GNG12: variants seen among roughly 807,000 people sequenced by gnomAD.
GNG12 encodes the protein G protein subunit gamma 12, also known as guanine nucleotide-binding protein G(I)/G(S)/G(O) subunit gamma-12.
For missense variants in GNG12, 69 were observed against 83.8 expected (o/e 0.82, Z 0.69); for synonymous variants, 28 against 29.7 (o/e 0.94, Z 0.19).
intron 1 of GNG12, among the ~76,000 whole-genome samples, chr1:67,784,357 C>A (rs1267273611): frequency 1.3e-5 from 2 of 148,446 alleles, no homozygotes; most frequent in Non-Finnish European, 3.0e-5. Flanking sequence ...GGGAGATATA[C>A]CTAATGCTAG....
chr1:67,824,509 C>CAAA (rs35736017), intron 1 of GNG12, among the ~76,000 whole-genome samples: 29,534 of 93,522 alleles, frequency 0.32, 4,555 homozygotes, highest in Middle Eastern at 0.43. Context: ...GATCCTGTCT[C>CAAA]AAAAAAAAAA....
At chr1:67,792,405 T>G (rs1021874385) in intron 1 of GNG12, among the ~76,000 whole-genome samples, 2 of 152,164 alleles carry the variant, frequency 1.3e-5, no homozygotes, top group African/African-American at 4.8e-5. Context: ...ATTTCCTCTT[T>G]CCCCAAGTGA....
intron 2 of GNG12, among the ~76,000 whole-genome samples, chr1:67,708,843 C>T (rs1251936569): frequency 6.6e-6 from 1 of 152,126 alleles, no homozygotes; most frequent in African/African-American, 2.4e-5. Context: ...GGCTCCGTGG[C>T]GCCAGCAGCA....
chr1:67,803,522 G>C (rs1348023382), intron 1 of GNG12, among the ~76,000 whole-genome samples: 1 of 152,204 alleles, frequency 6.6e-6, no homozygotes, highest in Non-Finnish European at 1.5e-5. Context: ...CGAGGAAACA[G>C]TGGTGACAAT....
At chr1:67,778,772 C>A (rs1225690435) in intron 1 of GNG12, among the ~76,000 whole-genome samples, 1 of 152,104 alleles carries the variant, frequency 6.6e-6, no homozygotes, top group East Asian at 1.9e-4. Context: ...TACCCACCAC[C>A]CTCTCAATTA....
intron 2 of GNG12, among the ~76,000 whole-genome samples, chr1:67,712,754 C>T (rs1035996319): frequency 2.4e-4 from 37 of 151,492 alleles, no homozygotes; most frequent in African/African-American, 6.1e-4. Context: ...CTTCCCACTG[C>T]GCCAAGGAAA....
chr1:67,753,353 G>A (rs1244034777), intron 2 of GNG12, among the ~76,000 whole-genome samples: 5 of 146,202 alleles, frequency 3.4e-5, no homozygotes, highest in Non-Finnish European at 1.5e-5. Flanking sequence ...TCCAAAACCT[G>A]AAAAAAAAAA....
intron 2 of GNG12, among the ~76,000 whole-genome samples, chr1:67,753,289 A>C (rs1030696202): frequency 3.3e-5 from 5 of 152,220 alleles, no homozygotes; most frequent in Admixed American, 3.3e-4. Context: ...TGAAATGCTT[A>C]CTGACGCATT....
intron 2 of GNG12, among the ~76,000 whole-genome samples, chr1:67,764,914 TG>T (rs1332037986): frequency 6.6e-6 from 1 of 152,190 alleles, no homozygotes. Context: ...GAACTAGACC[TG>T]GGAAAAATAT....
At chr1:67,711,818 C>T (rs771755734) in intron 2 of GNG12, among the ~76,000 whole-genome samples, 2 of 152,166 alleles carry the variant, frequency 1.3e-5, no homozygotes, top group Non-Finnish European at 2.9e-5. Context: ...GGTGGCATTT[C>T]CTGAACTCCT....
intron 1 of GNG12, among the ~76,000 whole-genome samples, chr1:67,787,008 TG>T (rs1646773373): frequency 7.0e-6 from 1 of 143,520 alleles, no homozygotes; most frequent in Non-Finnish European, 1.5e-5. Context: ...TGTGTATATC[TG>T]TGTGTGTGTA....
At chr1:67,784,669 T>G (rs12036392) in intron 1 of GNG12, among the ~76,000 whole-genome samples, 2 of 152,032 alleles carry the variant, frequency 1.3e-5, no homozygotes, top group Admixed American at 1.3e-4. Flanking sequence ...TCTTGTAAGT[T>G]TGAATAAGTT....
At chr1:67,760,998 G>T (rs1448661752) in intron 2 of GNG12, among the ~76,000 whole-genome samples, 3 of 152,218 alleles carry the variant, frequency 2.0e-5, no homozygotes, top group African/African-American at 7.2e-5. Context: ...CATTTAAGTT[G>T]TGGGTAACAA....
At chr1:67,775,631 C>T (rs1646700579) in intron 2 of GNG12, among the ~76,000 whole-genome samples, 1 of 152,194 alleles carries the variant, frequency 6.6e-6, no homozygotes, top group Admixed American at 6.5e-5. Flanking sequence ...CTAAGTACTA[C>T]AAGGCAGGCA....
chr1:67,768,789 T>A (rs1646655846), intron 2 of GNG12, among the ~76,000 whole-genome samples: 1 of 152,222 alleles, frequency 6.6e-6, no homozygotes, highest in Non-Finnish European at 1.5e-5. Context: ...TTCCCTACTA[T>A]AAAATGTATA....
At chr1:67,745,444 C>A (rs1010437180) in intron 2 of GNG12, among the ~76,000 whole-genome samples, 2 of 152,206 alleles carry the variant, frequency 1.3e-5, no homozygotes, top group African/African-American at 2.4e-5. Flanking sequence ...CCCCGGTGAC[C>A]AGGCAGCATG....
chr1:67,810,470 G>A (rs1646918582), intron 1 of GNG12, among the ~76,000 whole-genome samples: 1 of 152,190 alleles, frequency 6.6e-6, no homozygotes, highest in Non-Finnish European at 1.5e-5. Context: ...ACTCTGGTGT[G>A]GGATGTGGAT....
intron 2 of GNG12, among the ~76,000 whole-genome samples, chr1:67,767,004 T>C (rs1424629804): frequency 2.6e-5 from 4 of 152,224 alleles, no homozygotes; most frequent in Non-Finnish European, 5.9e-5. Flanking sequence ...AGAGTGTGTG[T>C]GTCCCTGACC....
At chr1:67,712,953 T>C (rs956903555) in intron 2 of GNG12, among the ~76,000 whole-genome samples, 3 of 152,074 alleles carry the variant, frequency 2.0e-5, no homozygotes, top group Non-Finnish European at 2.9e-5. Context: ...GGTCTCGAAC[T>C]CCTGACCTCT....
Sources: allele counts gnomAD v4.1 joint callset (sites outside exome capture counted in the v4.1 genomes callset), GRCh38; gene constraint gnomAD v4.1.1; transcripts MANE v1.5; gene names NCBI Gene and HGNC (gene_info 2026-07-23, HGNC 2026-07-21).